Variants in TMEM233 observed in about 807,000 individuals in gnomAD.
The protein encoded by TMEM233 is transmembrane protein 233.
In TMEM233, 6 loss-of-function variants were observed where a neutral mutation model predicts 11.2. The observed-to-expected ratio is 0.54, with a 90% CI of 0.29 to 1.06. The LOEUF is 1.06. Ranked by LOEUF, TMEM233 falls within the 50% of genes least tolerant of loss-of-function variation. The probability of loss-of-function intolerance (pLI) is 0.08; values close to 1 mark genes in which losing one functional copy is unlikely to be tolerated. For missense variants in TMEM233, 127 were observed against 144.7 expected, an observed-to-expected ratio of 0.88 and a Z score of 0.63; for synonymous variants, 59 against 55.8, an observed-to-expected ratio of 1.06 and a Z score of -0.26.
rs56347532 is a variant in TMEM233, at chr12:119,640,856, G to GA, written c.*168dup. 0.059 allele frequency: 23,103 copies of GA among 390,528 alleles called. 246 individuals are homozygous for GA. The highest frequency in any genetic ancestry group is 0.14 in the African/African-American group (4,356 of 31,966). 24.2% of individuals were successfully genotyped at this position (390,528 alleles called of 1,614,324 possible). A position where few individuals can be genotyped will look rare whatever the true frequency, so the allele number is the denominator to read the frequency against. Reference sequence around the variant, plus strand: ...AGGCAGGTCCCTGGCAAATGAACAAGAAAAAAAAAAAAAAAAAGTCCAAAA... The same window carrying GA: ...AGGCAGGTCCCTGGCAAATGAACAAGAAAAAAAAAAAAAAAAAAGTCCAAAA... On this transcript the variant is annotated 3_prime_UTR_variant, in exon 3 of 3. Coordinates refer to ENST00000426426, the MANE Select transcript of TMEM233 (RefSeq NM_001136534.3).
chr12:119,605,325 G>A (rs557847121), intron 1 of TMEM233, among the ~76,000 whole-genome samples: 1 of 149,776 alleles, frequency 6.7e-6, no homozygotes, highest in South Asian at 2.1e-4. Flanking sequence ...CTGAGGCTCA[G>A]AAATGTGGTA....
intron 1 of TMEM233, among the ~76,000 whole-genome samples, chr12:119,611,857 A>G (rs898199859): frequency 6.6e-6 from 1 of 152,154 alleles, no homozygotes; most frequent in African/African-American, 2.4e-5. Flanking sequence ...AGCTTCTCTG[A>G]GCCTAGGTTT....
chr12:119,638,708 G>GGGACGCCACA (rs1955017741), intron 2 of TMEM233, among the ~76,000 whole-genome samples: 1 of 152,114 alleles, frequency 6.6e-6, no homozygotes, highest in Non-Finnish European at 1.5e-5. Flanking sequence ...TAGGAGTGAT[G>GGGACGCCACA]TATTCATATG....
Position 119,594,135 on chromosome 12 carries a change from G to C in TMEM233, c.186+101G>C. 8.3e-7 allele frequency: 1 copy of C among 1,206,724 alleles called. No homozygotes were observed. Among genetic ancestry groups the C allele is most frequent in the South Asian group, 1.5e-5 (1 of 66,784 alleles). The allele number at this position is 1,206,724 out of a possible 1,614,324, so 74.8% of individuals were successfully genotyped here. A position where few individuals can be genotyped will look rare whatever the true frequency, so the allele number is the denominator to read the frequency against. ...CGCTCTCTGCGGCTCCCTTCCTCAC[G>C]GCCCGGCCCGCGCTAGGTGTTCTTT... On this transcript the variant is annotated intron_variant, in intron 1 of 2. Coordinates refer to ENST00000426426, the MANE Select transcript of TMEM233 (RefSeq NM_001136534.3). The surrounding 1 kb of genome is among the most constrained non-coding windows in gnomAD (Gnocchi z 5.6).
chr12:119,594,700 C>G lies in TMEM233; in HGVS notation c.186+666C>G, dbSNP rs1249472965. On this transcript the variant is annotated intron_variant, in intron 1 of 2. Transcript: ENST00000426426. This position sits in a 1 kb window ranked among gnomAD's most constrained non-coding sequence, Gnocchi z 5.6. ...CTCGCTTCTTCCTACACCCAACTTC[C>G]TCTCCTTGCCTCCCTCCGGCGCCCC... Among the ~76,000 whole-genome samples the G allele has an allele frequency of 6.6e-6, 1 of 152,158 alleles. No homozygotes were observed. Among genetic ancestry groups the G allele is most frequent in the East Asian group, 1.9e-4 (1 of 5,168 alleles).
At chr12:119,615,192 A>AAC (rs1237507984) in intron 1 of TMEM233, among the ~76,000 whole-genome samples, 2 of 148,366 alleles carry the variant, frequency 1.3e-5, no homozygotes, top group African/African-American at 5.1e-5. Context: ...AAAAAAAAAA[A>AAC]AAAAAAAAAA....
intron 1 of TMEM233, among the ~76,000 whole-genome samples, chr12:119,617,819 A>C (rs967398896): frequency 6.6e-6 from 1 of 152,160 alleles, no homozygotes; most frequent in African/African-American, 2.4e-5. Context: ...GGCAACAAGA[A>C]AGAAACTCCA....
intron 1 of TMEM233, among the ~76,000 whole-genome samples, chr12:119,604,539 G>T (rs1323949795): frequency 6.6e-6 from 1 of 152,110 alleles, no homozygotes; most frequent in African/African-American, 2.4e-5. Flanking sequence ...AAGATTGCAT[G>T]GTACTCCATC....
chr12:119,614,411 CGAGAGA>C (rs57846015), intron 1 of TMEM233, among the ~76,000 whole-genome samples: 10 of 143,624 alleles, frequency 7.0e-5, no homozygotes, highest in South Asian at 2.3e-4. Flanking sequence ...TCCATCTCAA[CGAGAGA>C]GAGAGAGAGA....
At chr12:119,614,145 A>T (rs1234821157) in intron 1 of TMEM233, among the ~76,000 whole-genome samples, 1 of 152,056 alleles carries the variant, frequency 6.6e-6, no homozygotes. Context: ...ACCCACCAGT[A>T]ATCCCAGCAG....
At chr12:119,630,899 T>C (rs957202621) in intron 2 of TMEM233, among the ~76,000 whole-genome samples, 1 of 152,228 alleles carries the variant, frequency 6.6e-6, no homozygotes. Context: ...GAAAGGTCAC[T>C]ACATATTTTT....
downstream of TMEM233, among the ~76,000 whole-genome samples, chr12:119,646,774 GA>G (rs1304907757): frequency 6.6e-6 from 1 of 152,176 alleles, no homozygotes; most frequent in Non-Finnish European, 1.5e-5. Context: ...GGATGATCCA[GA>G]AAAATCTCCT....
At chr12:119,626,022 G>A (rs943621378) in intron 1 of TMEM233, among the ~76,000 whole-genome samples, 2 of 152,094 alleles carry the variant, frequency 1.3e-5, no homozygotes, top group African/African-American at 4.8e-5. Flanking sequence ...TTTAATCTAG[G>A]AGAGTCTCCT....
At chr12:119,628,381 G>A (rs1268308999) in intron 1 of TMEM233, among the ~76,000 whole-genome samples, 1 of 151,362 alleles carries the variant, frequency 6.6e-6, no homozygotes, top group Non-Finnish European at 1.5e-5. Flanking sequence ...GGATGGTCTT[G>A]AACTCCTGAC....
intron 2 of TMEM233, chr12:119,631,668 G>C: frequency 3.0e-6 from 3 of 985,412 alleles, no homozygotes; most frequent in Non-Finnish European, 3.6e-6. Context: ...GGGAGCCACA[G>C]AGTGTGGGTT....
intron 1 of TMEM233, among the ~76,000 whole-genome samples, chr12:119,605,396 A>G: frequency 6.9e-6 from 1 of 145,672 alleles, no homozygotes; most frequent in Admixed American, 6.9e-5. Context: ...ATAATCAGAC[A>G]GCTATGCCTT....
At chr12:119,604,701 T>C (rs739422) in intron 1 of TMEM233, among the ~76,000 whole-genome samples, 56,219 of 151,994 alleles carry the variant, frequency 0.37, 11,410 homozygotes, top group African/African-American at 0.51. Context: ...AATGGTGCAA[T>C]CATGGCTCAC....
rs1258246670 is a variant in TMEM233, at chr12:119,642,096, T to C, written c.*1391T>C. On this transcript the variant is annotated 3_prime_UTR_variant, in exon 3 of 3. Coordinates refer to ENST00000426426, the MANE Select transcript of TMEM233 (RefSeq NM_001136534.3). ...AAGTAATTAACACACCAGATAAGTATATGTGGCAAAAGTCACTTCAAAGAA... is the reference window on the plus strand; with the variant it reads ...AAGTAATTAACACACCAGATAAGTACATGTGGCAAAAGTCACTTCAAAGAA... 6.6e-6 allele frequency: 1 copy of C among 152,222 alleles called. No individual in the cohort carries two copies. Among genetic ancestry groups the C allele is most frequent in the East Asian group, 1.9e-4 (1 of 5,200 alleles). The allele number at this position is 152,222 out of a possible 1,614,324, so 9.4% of individuals were successfully genotyped here. A position where few individuals can be genotyped will look rare whatever the true frequency, so the allele number is the denominator to read the frequency against.
At chr12:119,653,391 CAAAAAAAA>C in the TMEM233 span, among the ~76,000 whole-genome samples, 5 of 81,426 alleles carry the variant, frequency 6.1e-5, no homozygotes, top group Non-Finnish European at 9.1e-5. Context: ...GACGCCACCT[CAAAAAAAA>C]AAAAAAAAAA....
Sources: gnomAD v4.1 joint callset for allele counts (sites outside exome capture counted in the v4.1 genomes callset) on GRCh38, gnomAD v4.1.1 for gene constraint, Gnocchi (gnomAD v3.1) non-coding constraint, MANE v1.5 for transcripts, NCBI Gene and HGNC (gene_info 2026-07-23, HGNC 2026-07-21) for gene names.